The following CLIP4 variants were observed in gnomAD, a reference collection of about 807,000 sequenced individuals.
CLIP4 encodes the protein CAP-Gly domain containing linker protein family member 4, also known as CAP-Gly domain-containing linker protein 4.
In CLIP4, 47 loss-of-function variants were observed where a neutral mutation model predicts 73.1. The ratio of observed to expected loss-of-function variants is 0.64; its 90% CI spans 0.51 to 0.82. The LOEUF (loss-of-function observed/expected upper bound fraction) is 0.82. CLIP4 is among the 40% of genes least tolerant of loss of function. CLIP4 has a pLI of 0.00. For missense variants in CLIP4, 874 were observed against 852.9 expected (o/e 1.02, Z -0.31); for synonymous variants, 306 against 295.4 (o/e 1.04, Z -0.37).
chr2:29,153,154 T>C (rs1305019618), intron 9 of CLIP4, among the ~76,000 whole-genome samples: 1 of 152,132 alleles, frequency 6.6e-6, no homozygotes, highest in Non-Finnish European at 1.5e-5. Flanking sequence ...TGAAGGATGT[T>C]TAGTGACTTC....
intron 11 of CLIP4, among the ~76,000 whole-genome samples, chr2:29,158,631 A>G (rs1007888991): frequency 1.3e-5 from 2 of 152,282 alleles, no homozygotes; most frequent in East Asian, 3.9e-4. Flanking sequence ...ATAGATTTGC[A>G]TTTGAGGGAG....
chr2:29,137,510 ATAAT>A (rs1665454103), intron 6 of CLIP4, among the ~76,000 whole-genome samples: 1 of 152,152 alleles, frequency 6.6e-6, no homozygotes, highest in South Asian at 2.1e-4. Context: ...TTTTGGTAAA[ATAAT>A]TTATTTTCCT....
intron 11 of CLIP4, among the ~76,000 whole-genome samples, chr2:29,159,964 C>G (rs1667182459): frequency 6.6e-6 from 1 of 152,200 alleles, no homozygotes; most frequent in Non-Finnish European, 1.5e-5. Context: ...GCTAGCAAAT[C>G]CTAACATATT....
At position 29,133,784 on chromosome 2, in the gene CLIP4, T is replaced by C. The variant is rs773590122; in HGVS notation, c.497T>C (p.Ile166Thr). 31 of 1,608,362 alleles carry C rather than the reference T, an allele frequency of 1.9e-5. No homozygotes were observed. Among genetic ancestry groups the C allele is most frequent in the South Asian group, 1.2e-4 (11 of 89,402 alleles). Residue 166 changes from isoleucine (I) to threonine (T), a missense_variant, in exon 5 of 16, where the codon ATA (isoleucine) becomes ACA (threonine). Coordinates refer to ENST00000320081, the MANE Select transcript of CLIP4 (RefSeq NM_024692.6). ...GCTTATTTTGATGTCCCTGAACTTA[T>C]AAGAGTGATTTTGAAAACATCGAAA... ...YAAYFDVPEL[I>T]RVILKTSKPK...
intron 12 of CLIP4, among the ~76,000 whole-genome samples, chr2:29,160,818 G>C (rs568922855): frequency 2.2e-4 from 34 of 152,264 alleles, no homozygotes; most frequent in African/African-American, 7.9e-4. Context: ...AGTAAATAAT[G>C]AGTTAATTGT....
intron 15 of CLIP4, among the ~76,000 whole-genome samples, chr2:29,181,356 C>T (rs138379172): frequency 7.0e-4 from 107 of 152,234 alleles, no homozygotes; most frequent in African/African-American, 2.0e-3. Context: ...TCTGTGTATG[C>T]GTGGACCCAC....
upstream of CLIP4, among the ~76,000 whole-genome samples, chr2:29,113,530 C>T (rs1241935685): frequency 6.6e-6 from 1 of 152,146 alleles, no homozygotes; most frequent in Admixed American, 6.5e-5. This position sits in a 1 kb window ranked among gnomAD's most constrained non-coding sequence, Gnocchi z 4.0. Context: ...AAAGAAGTAA[C>T]GTCAGATTTT....
chr2:29,119,302 G>T (rs114455898), intron 1 of CLIP4, among the ~76,000 whole-genome samples: 1,619 of 152,238 alleles, frequency 0.011, 28 homozygotes, highest in African/African-American at 0.037. Flanking sequence ...AGCTCCTGTG[G>T]TGACTGCTAG....
At chr2:29,142,587 A>C (rs1284460333) in intron 6 of CLIP4, among the ~76,000 whole-genome samples, 5 of 152,188 alleles carry the variant, frequency 3.3e-5, no homozygotes, top group African/African-American at 9.6e-5. Flanking sequence ...TTACCATCCT[A>C]GACATCTAAT....
chr2:29,104,722 C>T (rs1668152223), intron 1 of CLIP4, among the ~76,000 whole-genome samples: 2 of 152,238 alleles, frequency 1.3e-5, no homozygotes, highest in Non-Finnish European at 2.9e-5. Flanking sequence ...CATGATGCCA[C>T]TGGATTCTGC....
intron 1 of CLIP4, among the ~76,000 whole-genome samples, chr2:29,105,022 A>T (rs1668161964): frequency 1.3e-5 from 2 of 149,570 alleles, no homozygotes; most frequent in African/African-American, 5.1e-5. Context: ...ATGGGCACAT[A>T]TCCAAAAGAT....
chr2:29,130,834 A>C, intron 2 of CLIP4: 1 of 1,289,418 alleles, frequency 7.8e-7, no homozygotes, highest in Middle Eastern at 2.1e-4. Context: ...CAAAAACAAA[A>C]AAACCTCAAT....
rs528578271 is a variant in CLIP4, at chr2:29,173,013, C to G, written c.1724-1360C>G. Among the ~76,000 whole-genome samples the G allele has an allele frequency of 2.8e-4, 43 of 151,942 alleles. No homozygotes were observed. The East Asian group carries it at 8.3e-3, about 29-fold the overall frequency. On this transcript the variant is annotated intron_variant, in intron 14 of 15. Coordinates refer to ENST00000320081, the MANE Select transcript of CLIP4 (RefSeq NM_024692.6). ...TGTTAAATAATTCAGTATCTAAAGC[C>G]TTTGTGAGTCTGATTCTGCCATCTG...
chr2:29,165,122 A>G (rs1243238341), intron 13 of CLIP4, among the ~76,000 whole-genome samples: 1 of 152,174 alleles, frequency 6.6e-6, no homozygotes, highest in Non-Finnish European at 1.5e-5. Flanking sequence ...AGATGAAGAA[A>G]CGGGTTTCAA....
intron 6 of CLIP4, among the ~76,000 whole-genome samples, chr2:29,141,809 A>G (rs1315281368): frequency 6.6e-6 from 1 of 150,420 alleles, no homozygotes; most frequent in East Asian, 2.0e-4. Context: ...TAGGCTGTTT[A>G]TTTTCAGGGT....
At chr2:29,172,369 T>G (rs1668065879) in intron 14 of CLIP4, among the ~76,000 whole-genome samples, 1 of 152,136 alleles carries the variant, frequency 6.6e-6, no homozygotes. Flanking sequence ...AACTCTTTGT[T>G]TTTGTCTTTT....
intron 1 of CLIP4, among the ~76,000 whole-genome samples, chr2:29,106,374 G>C (rs1006668781): frequency 6.6e-6 from 1 of 152,214 alleles, no homozygotes; most frequent in South Asian, 2.1e-4. Flanking sequence ...ACCCCATCCT[G>C]CAATGTACTT....
rs192712519 is a variant in CLIP4, at chr2:29,152,607, G to A, written c.1022-78G>A. 28 of 1,446,680 alleles carry A rather than the reference G, an allele frequency of 1.9e-5. No homozygotes were observed. In the African/African-American group the frequency reaches 3.8e-4, roughly 20 times the overall value. The allele number at this position is 1,446,680 out of a possible 1,614,324, so 89.6% of individuals were successfully genotyped here. A position where few individuals can be genotyped will look rare whatever the true frequency, so the allele number is the denominator to read the frequency against. On this transcript the variant is annotated intron_variant, in intron 8 of 15. Coordinates refer to ENST00000320081, the MANE Select transcript of CLIP4 (RefSeq NM_024692.6). ...CTAAAGGTTTATATTAAAGATTTATGTTACTAATTAGTTGTACTTGTTCCT... is the reference window on the plus strand; with the variant it reads ...CTAAAGGTTTATATTAAAGATTTATATTACTAATTAGTTGTACTTGTTCCT...
chr2:29,121,302 G>A, intron 1 of CLIP4, 72 bp from the exon 2 acceptor site: 1 of 1,375,610 alleles, frequency 7.3e-7, no homozygotes, highest in Non-Finnish European at 9.8e-7. Context: ...CTTTTAGGCA[G>A]TTATTGAAGG....
Sources: gnomAD v4.1 joint callset for allele counts (sites outside exome capture counted in the v4.1 genomes callset) on GRCh38, gnomAD v4.1.1 for gene constraint, Gnocchi (gnomAD v3.1) non-coding constraint, MANE v1.5 for transcripts, NCBI Gene and HGNC (gene_info 2026-07-23, HGNC 2026-07-21) for gene names.